Variants in ARHGEF2 observed in about 807,000 individuals in gnomAD.
ARHGEF2 encodes rho guanine nucleotide exchange factor 2.
Under a neutral mutation model 121.0 loss-of-function variants are expected in ARHGEF2, and 22 were observed. That is an observed-to-expected ratio of 0.18 (90% confidence interval 0.13 to 0.26). The LOEUF is 0.26. Ranked by LOEUF, ARHGEF2 falls within the 10% of genes least tolerant of loss-of-function variation. ARHGEF2 has a pLI of 1.00. For missense variants in ARHGEF2, 907 were observed against 1,336.0 expected, an observed-to-expected ratio of 0.68 and a Z score of 5.01; for synonymous variants, 487 against 530.0, an observed-to-expected ratio of 0.92 and a Z score of 1.11.
At chr1:155,956,833 G>A (rs776864804) in intron 13 of ARHGEF2, among the ~76,000 whole-genome samples, 80 of 140,742 alleles carry the variant, frequency 5.7e-4, no homozygotes, top group Admixed American at 3.5e-3. Context: ...GCGTGAGCCT[G>A]TAGTCCCAGC....
chr1:155,967,920 G>A (rs1231413828), intron 2 of ARHGEF2, among the ~76,000 whole-genome samples: 2 of 152,246 alleles, frequency 1.3e-5, no homozygotes, highest in African/African-American at 4.8e-5. Context: ...AAACAGGGTG[G>A]AGCAGAGGGG....
At position 155,966,467 on chromosome 1, in the gene ARHGEF2, C is replaced by A. The variant is rs1299252651; in HGVS notation, c.289G>T (p.Ala97Ser). 7.4e-6 allele frequency: 12 copies of A among 1,614,130 alleles called. No homozygotes were observed. The highest frequency in any genetic ancestry group is 1.0e-5 in the Non-Finnish European group (12 of 1,179,986). Reference protein sequence around the residue: ...TKVKQKQQKAALLKNNTALQS... With the variant: ...TKVKQKQQKASLLKNNTALQS... Reference sequence around the variant, plus strand: ...AAGGCGGTGTTGTTCTTCAGCAGGGCCGCTTTCTGTTGCTGTGAGACAGAG... The same window carrying A: ...AAGGCGGTGTTGTTCTTCAGCAGGGACGCTTTCTGTTGCTGTGAGACAGAG... Residue 97 changes from alanine (A) to serine (S), a missense_variant, in exon 4 of 22, where the codon GCC becomes TCC. Around this residue, in one of 2 missense-constraint regions of ARHGEF2, gnomAD observed 475 missense variants for 776.5 expected, o/e 0.61. Coordinates refer to ENST00000361247, the MANE Select transcript of ARHGEF2 (RefSeq NM_001162383.2).
In ARHGEF2 at chr1:155,947,825, A is replaced by G. The variant is rs1572028645; in HGVS notation, c.*117T>C. On this transcript the variant is annotated 3_prime_UTR_variant, in exon 22 of 22. Coordinates refer to ENST00000361247, the MANE Select transcript of ARHGEF2 (RefSeq NM_001162383.2). ...GTATCCAAGGATCCCAAGAGCTGGC[A>G]AGGACAATTTGCAGTTCTTTCAAAT... The G allele has an allele frequency of 1.6e-6, 1 of 633,580 alleles. No homozygotes were observed. The highest frequency in any genetic ancestry group is 2.9e-5 in the East Asian group (1 of 34,538). The allele number at this position is 633,580 out of a possible 1,614,324, so 39.2% of individuals were successfully genotyped here.
chr1:155,947,271 A>G lies in ARHGEF2; in HGVS notation c.*671T>C. The G allele has an allele frequency of 2.3e-6, 1 of 425,848 alleles. No homozygotes were observed. The highest frequency in any genetic ancestry group is 4.7e-6 in the Non-Finnish European group (1 of 212,498). The allele number at this position is 425,848 out of a possible 1,614,324, so 26.4% of individuals were successfully genotyped here. A position where few individuals can be genotyped will look rare whatever the true frequency, so the allele number is the denominator to read the frequency against. ...AAAAAAGAAAACAAAAGAACAACAA[A>G]ACATTCTGGTCCCTGTGGGTTTTTT... On this transcript the variant is annotated 3_prime_UTR_variant, in exon 22 of 22. Transcript: ENST00000361247.
At chr1:155,953,571 A>C (rs1447758905) in intron 14 of ARHGEF2, among the ~76,000 whole-genome samples, 2 of 151,380 alleles carry the variant, frequency 1.3e-5, no homozygotes, top group African/African-American at 4.9e-5. Context: ...GTGAAACCCT[A>C]TCTCTACTAA....
chr1:155,978,489 A>G lies in ARHGEF2; in HGVS notation c.-62T>C. The G allele has an allele frequency of 7.4e-7, 1 of 1,360,484 alleles. No homozygotes were observed. 84.3% of individuals were successfully genotyped at this position (1,360,484 alleles called of 1,614,324 possible). A position where few individuals can be genotyped will look rare whatever the true frequency, so the allele number is the denominator to read the frequency against. On this transcript the variant is annotated 5_prime_UTR_variant, in exon 1 of 22. Transcript: ENST00000361247. The surrounding 1 kb of genome is among the most constrained non-coding windows in gnomAD (Gnocchi z 4.1). ...CCCCGGCGTCCTGTATTGTTGGGGG[A>G]AGGCGGGGGGAGGGGTTCGGCCCGC... is the stretch of plus-strand genomic sequence containing the variant.
At chr1:155,974,580 G>A (rs1166479948) in intron 1 of ARHGEF2, among the ~76,000 whole-genome samples, 1 of 152,098 alleles carries the variant, frequency 6.6e-6, no homozygotes, top group Non-Finnish European at 1.5e-5. Context: ...AGGCAGAGGG[G>A]AAGGCAGCCA....
In ARHGEF2 at chr1:155,951,900, G is replaced by A. The variant is rs750044553; in HGVS notation, c.2172+19C>T. 1 of 1,613,874 alleles carries A rather than the reference G, an allele frequency of 6.2e-7. No homozygotes were observed. The highest frequency in any genetic ancestry group is 8.5e-7 in the Non-Finnish European group (1 of 1,179,990). On this transcript the variant is annotated intron_variant, in intron 17 of 21. Coordinates refer to ENST00000361247, the MANE Select transcript of ARHGEF2 (RefSeq NM_001162383.2). This position sits in a 1 kb window ranked among gnomAD's most constrained non-coding sequence, Gnocchi z 5.1. Reference sequence around the variant, plus strand: ...TCTCCCACCCTCTTGCCAAGTCCCAGAACCTCTTGAGGACCTACCCTCTGG... The same window carrying A: ...TCTCCCACCCTCTTGCCAAGTCCCAAAACCTCTTGAGGACCTACCCTCTGG...
intron 13 of ARHGEF2, among the ~76,000 whole-genome samples, chr1:155,957,124 CA>C (rs1352275521): frequency 6.6e-6 from 1 of 151,834 alleles, no homozygotes; most frequent in Non-Finnish European, 1.5e-5. Flanking sequence ...TTCCAGAATC[CA>C]TTTTAAACAT....
rs1424737317 is a variant in ARHGEF2 at position 155,969,692 on chromosome 1, A to G, written c.64-392T>C. ...GGAAGATGCGCAGAGAGGAGGGGAG[A>G]GCAGGCGAAGCGGAGGGTGCCAGCT... On this transcript the variant is annotated intron_variant, in intron 1 of 21. Transcript: ENST00000361247. The G allele has an allele frequency of 3.0e-6, 3 of 1,013,938 alleles. No homozygotes were observed. The Admixed American group carries it at 1.6e-4, about 55-fold the overall frequency. 62.8% of individuals were successfully genotyped at this position (1,013,938 alleles called of 1,614,324 possible).
chr1:155,952,915 G>A, intron 14 of ARHGEF2, 87 bp from the exon 15 acceptor site: 1 of 1,257,252 alleles, frequency 8.0e-7, no homozygotes, highest in Non-Finnish European at 1.1e-6. Flanking sequence ...GAGAGGGGTA[G>A]GGTGGGGCAG....
chr1:155,966,716 G>T (rs1679452355), intron 3 of ARHGEF2, 104 bp downstream of exon 3: 5 of 1,310,686 alleles, frequency 3.8e-6, no homozygotes, highest in Non-Finnish European at 5.5e-6. Flanking sequence ...TGGTGAGGAG[G>T]TGGGTGGTGA....
rs147576714 is a variant in ARHGEF2 at position 155,962,690 on chromosome 1, C to G, written c.1004G>C (p.Cys335Ser). The G allele has an allele frequency of 1.2e-6, 2 of 1,613,976 alleles. No individual in the cohort carries two copies. Among genetic ancestry groups the G allele is most frequent in the Non-Finnish European group, 1.7e-6 (2 of 1,180,010 alleles). The change falls in exon 9 of 22, where the codon TGT (cysteine) becomes TCT (serine). Residue 335 changes from cysteine to serine, a missense_variant. Transcript: ENST00000361247. This position sits in a 1 kb window ranked among gnomAD's most constrained non-coding sequence, Gnocchi z 5.8. ...GCTGCAGAACTCCGAGTAGGTCTTA[C>G]ACATCTGCTCCGCACTAGGACCTGA... ...QFSGPSAEQM[C>S]KTYSEFCSRH...
At chr1:155,978,635 G>C (rs560228018), upstream of ARHGEF2, 13 of 1,227,596 alleles carry the variant, frequency 1.1e-5, no homozygotes, top group South Asian at 3.8e-4. The surrounding 1 kb of genome is among the most constrained non-coding windows in gnomAD (Gnocchi z 4.1). Context: ...AGCGGAGGGA[G>C]GGCGGGGTGC....
chr1:155,956,872 CAG>C (rs2102646244), intron 13 of ARHGEF2, among the ~76,000 whole-genome samples: 1 of 121,436 alleles, frequency 8.2e-6, no homozygotes, highest in South Asian at 2.6e-4. Flanking sequence ...AGCCCGGCAA[CAG>C]AGACTCTGTC....
Position 155,954,988 on chromosome 1 carries a change from G to A in ARHGEF2, c.1716-19C>T, listed in dbSNP as rs376274051. 1.4e-4 allele frequency: 231 copies of A among 1,605,148 alleles called. 1 individual carries two copies. The South Asian group carries it at 2.2e-3, about 16-fold the overall frequency. ...TGGGCATCTGGAGGGGTAACAGGTC[G>A]CATGCCATTGAGAGACAGAAGCTAG... On this transcript the variant is annotated intron_variant, in intron 13 of 21. Coordinates refer to ENST00000361247, the MANE Select transcript of ARHGEF2 (RefSeq NM_001162383.2).
chr1:155,952,533 T>A, intron 15 of ARHGEF2, 95 bp downstream of exon 15: 1 of 1,384,198 alleles, frequency 7.2e-7, no homozygotes, highest in Non-Finnish European at 9.9e-7. Context: ...AGGGTTGGCA[T>A]CCCACTTGTC....
At position 155,978,543 on chromosome 1, in the gene ARHGEF2, G is replaced by T; in HGVS notation, c.-116C>A. The T allele has an allele frequency of 7.9e-7, 1 of 1,272,916 alleles. No individual in the cohort carries two copies. The highest frequency in any genetic ancestry group is 2.5e-5 in the South Asian group (1 of 39,484). 78.9% of individuals were successfully genotyped at this position (1,272,916 alleles called of 1,614,324 possible). A position where few individuals can be genotyped will look rare whatever the true frequency, so the allele number is the denominator to read the frequency against. On this transcript the variant is annotated 5_prime_UTR_variant, in exon 1 of 22. Coordinates refer to ENST00000361247, the MANE Select transcript of ARHGEF2 (RefSeq NM_001162383.2). This position sits in a 1 kb window ranked among gnomAD's most constrained non-coding sequence, Gnocchi z 4.1. ...CGTTGGTCTCGGGGACAGGAAGTCT[G>T]ACTCCCCTCGCCCGGCACCCAGCAC...
At chr1:155,969,452 G>C in intron 1 of ARHGEF2, 152 bp from the exon 2 acceptor site, 1 of 1,459,532 alleles carries the variant, frequency 6.9e-7, no homozygotes, top group East Asian at 2.5e-5. Flanking sequence ...CCTGCAACTG[G>C]GTGTCAGAGG....
Sources: allele counts gnomAD v4.1 joint callset (sites outside exome capture counted in the v4.1 genomes callset), GRCh38; gene constraint gnomAD v4.1.1; regional missense constraint gnomAD v4.1.1; non-coding constraint Gnocchi (gnomAD v3.1); transcripts MANE v1.5; gene names NCBI Gene and HGNC (gene_info 2026-07-23, HGNC 2026-07-21).